Variants in NELL1 observed in about 807,000 individuals in gnomAD.
NELL1 encodes neural EGFL like 1.
In NELL1, 76 loss-of-function variants were observed where a neutral mutation model predicts 107.4. The ratio of observed to expected loss-of-function variants is 0.71; its 90% CI spans 0.59 to 0.86. The LOEUF (loss-of-function observed/expected upper bound fraction) is 0.86, where lower values mean the gene tolerates loss of function less well. Among genes scored for constraint, NELL1 ranks in the 40% least tolerant of loss-of-function variants. The pLI is 0.00. For missense variants in NELL1, 1,024 were observed against 1,005.5 expected, an observed-to-expected ratio of 1.02 and a Z score of -0.25; for synonymous variants, 353 against 341.2, an observed-to-expected ratio of 1.03 and a Z score of -0.38.
intron 12 of NELL1, among the ~76,000 whole-genome samples, chr11:20,988,377 A>G (rs1207039724): frequency 1.3e-5 from 2 of 151,492 alleles, no homozygotes; most frequent in Non-Finnish European, 2.9e-5. Context: ...ACACACGTAC[A>G]TATATATGTG....
intron 16 of NELL1, among the ~76,000 whole-genome samples, chr11:21,554,269 TAAATA>T (rs1269898723): frequency 2.0e-5 from 3 of 151,870 alleles, no homozygotes; most frequent in Non-Finnish European, 4.4e-5. Context: ...GTACATCCTA[TAAATA>T]AAATGTAATT....
chr11:20,705,355 A>T (rs1289864935), intron 2 of NELL1, among the ~76,000 whole-genome samples: 1 of 152,130 alleles, frequency 6.6e-6, no homozygotes, highest in African/African-American at 2.4e-5. Context: ...CTCAGAAATA[A>T]TGCCGCATAT....
At chr11:21,185,064 C>G (rs1856905462) in intron 13 of NELL1, among the ~76,000 whole-genome samples, 1 of 151,698 alleles carries the variant, frequency 6.6e-6, no homozygotes, top group Non-Finnish European at 1.5e-5. Context: ...CCTCCCATCT[C>G]TTCACTTGTC....
chr11:20,913,018 A>G (rs1850165958), intron 5 of NELL1, among the ~76,000 whole-genome samples: 1 of 152,180 alleles, frequency 6.6e-6, no homozygotes. Context: ...GATCATAATG[A>G]AAGTCGACAA....
At chr11:21,470,163 T>G (rs1854139250) in intron 15 of NELL1, among the ~76,000 whole-genome samples, 1 of 152,060 alleles carries the variant, frequency 6.6e-6, no homozygotes, top group African/African-American at 2.4e-5. Flanking sequence ...TAAAGATATA[T>G]GCAGAAACAT....
intron 3 of NELL1, among the ~76,000 whole-genome samples, chr11:20,842,188 C>A (rs1848633963): frequency 6.6e-6 from 1 of 151,916 alleles, no homozygotes; most frequent in Non-Finnish European, 1.5e-5. Context: ...ACCAGCCTGG[C>A]CAAAATGGTG....
intron 13 of NELL1, among the ~76,000 whole-genome samples, chr11:21,117,059 C>T (rs574919290): frequency 9.9e-5 from 15 of 151,966 alleles, no homozygotes; most frequent in Admixed American, 8.5e-4. Flanking sequence ...GTCTTTTTCT[C>T]CATGTAACAA....
chr11:20,767,561 T>C (rs1004881524), intron 2 of NELL1, among the ~76,000 whole-genome samples: 3 of 152,198 alleles, frequency 2.0e-5, no homozygotes, highest in African/African-American at 7.2e-5. Flanking sequence ...TACAATCCTT[T>C]AGCTAGACAG....
chr11:21,241,270 T>C (rs1187087875), intron 14 of NELL1, among the ~76,000 whole-genome samples: 2 of 152,148 alleles, frequency 1.3e-5, no homozygotes, highest in South Asian at 2.1e-4. Flanking sequence ...ATTTGCAAAA[T>C]ATTCACAGTA....
intron 16 of NELL1, among the ~76,000 whole-genome samples, chr11:21,540,646 G>T (rs1273361360): frequency 6.6e-6 from 1 of 151,678 alleles, no homozygotes; most frequent in African/African-American, 2.4e-5. Flanking sequence ...GCTGGAGCTG[G>T]AGGAAGAGAG....
At chr11:21,244,545 T>G (rs1201733852) in intron 14 of NELL1, among the ~76,000 whole-genome samples, 1 of 152,210 alleles carries the variant, frequency 6.6e-6, no homozygotes, top group Non-Finnish European at 1.5e-5. Flanking sequence ...GAATTAGCAG[T>G]ACACATCCCC....
intron 12 of NELL1, among the ~76,000 whole-genome samples, chr11:21,100,240 A>C (rs1220311297): frequency 6.6e-6 from 1 of 152,160 alleles, no homozygotes; most frequent in African/African-American, 2.4e-5. Context: ...CTGGTGTCTA[A>C]ATCCTGAGCT....
intron 12 of NELL1, among the ~76,000 whole-genome samples, chr11:21,064,556 C>A: frequency 6.6e-6 from 1 of 152,004 alleles, no homozygotes; most frequent in East Asian, 1.9e-4. Flanking sequence ...GTAAAAAGTT[C>A]AGATTTTATC....
intron 15 of NELL1, among the ~76,000 whole-genome samples, chr11:21,375,481 G>A (rs1851452945): frequency 6.6e-6 from 1 of 151,874 alleles, no homozygotes; most frequent in Admixed American, 6.6e-5. Context: ...CTATATATTT[G>A]TGAATGTCTA....
intron 12 of NELL1, among the ~76,000 whole-genome samples, chr11:21,078,455 A>G (rs1403095307): frequency 1.3e-5 from 2 of 152,180 alleles, no homozygotes; most frequent in African/African-American, 4.8e-5. Context: ...TAAATTAACT[A>G]CTAAGGCAGA....
chr11:20,903,153 AAT>A (rs1278793304), intron 5 of NELL1, among the ~76,000 whole-genome samples: 1 of 152,096 alleles, frequency 6.6e-6, no homozygotes, highest in African/African-American at 2.4e-5. Flanking sequence ...TATATATGTG[AAT>A]ATATGTATAT....
At chr11:21,040,059 C>T (rs1386182475) in intron 12 of NELL1, among the ~76,000 whole-genome samples, 1 of 151,882 alleles carries the variant, frequency 6.6e-6, no homozygotes, top group African/African-American at 2.4e-5. Flanking sequence ...CTCCTAATCT[C>T]ACCAGCCTAA....
At chr11:20,783,586 C>T in intron 2 of NELL1, 94 bp from the exon 3 acceptor site, 3 of 795,450 alleles carry the variant, frequency 3.8e-6, no homozygotes, top group South Asian at 2.4e-5. Flanking sequence ...TCCTTCTCAT[C>T]TCCCCTCTCC....
At chr11:20,741,787 A>G (rs560378320) in intron 2 of NELL1, among the ~76,000 whole-genome samples, 4 of 152,358 alleles carry the variant, frequency 2.6e-5, no homozygotes, top group African/African-American at 9.6e-5. Flanking sequence ...CACAGAGATT[A>G]GATGGAGTAT....
Sources: gnomAD v4.1 joint callset for allele counts (sites outside exome capture counted in the v4.1 genomes callset) on GRCh38, gnomAD v4.1.1 for gene constraint, MANE v1.5 for transcripts, NCBI Gene and HGNC (gene_info 2026-07-23, HGNC 2026-07-21) for gene names.